The following TBC1D5 variants were observed in gnomAD, a reference collection of about 807,000 sequenced individuals.
The protein encoded by TBC1D5 is TBC1 domain family, member 5.
A neutral mutation model predicts 100.3 loss-of-function variants in TBC1D5; 75 were observed. That is an observed-to-expected ratio of 0.75 (90% CI 0.62 to 0.91). The LOEUF (loss-of-function observed/expected upper bound fraction) is 0.91. Among genes scored for constraint, TBC1D5 ranks in the 40% least tolerant of loss-of-function variants. The pLI is 0.00. For missense variants in TBC1D5, 910 were observed against 942.4 expected (o/e 0.97, Z 0.45); for synonymous variants, 323 against 325.6 (o/e 0.99, Z 0.09).
At chr3:17,290,583 G>A (rs893237984) in intron 15 of TBC1D5, among the ~76,000 whole-genome samples, 1 of 152,120 alleles carries the variant, frequency 6.6e-6, no homozygotes, top group Admixed American at 6.5e-5. Flanking sequence ...CCCTAAGTCT[G>A]TAGATCAAAA....
At chr3:17,587,206 T>C (rs935979594) in intron 2 of TBC1D5, among the ~76,000 whole-genome samples, 1 of 151,982 alleles carries the variant, frequency 6.6e-6, no homozygotes, top group Non-Finnish European at 1.5e-5. Context: ...TCTGTAAGAA[T>C]AACAACTAAA....
intron 14 of TBC1D5, among the ~76,000 whole-genome samples, chr3:17,301,710 A>G (rs1434649823): frequency 6.6e-6 from 1 of 152,336 alleles, no homozygotes; most frequent in Non-Finnish European, 1.5e-5. Context: ...AAAGTGTGAA[A>G]TCAATGAGAG....
At chr3:17,645,809 GCT>G (rs1203366288) in intron 1 of TBC1D5, among the ~76,000 whole-genome samples, 2 of 151,904 alleles carry the variant, frequency 1.3e-5, no homozygotes, top group Non-Finnish European at 2.9e-5. Flanking sequence ...TTGTCACAAA[GCT>G]CTTTCCCCTT....
intron 1 of TBC1D5, among the ~76,000 whole-genome samples, chr3:17,668,228 G>T (rs1270624521): frequency 6.7e-6 from 1 of 150,224 alleles, no homozygotes; most frequent in African/African-American, 2.4e-5. Context: ...AAAGAAATGT[G>T]TATGAGCTGA....
chr3:17,530,951 C>T (rs1020797717), intron 2 of TBC1D5, among the ~76,000 whole-genome samples: 1 of 152,186 alleles, frequency 6.6e-6, no homozygotes, highest in African/African-American at 2.4e-5. Context: ...TCTCACCACT[C>T]TTATTCAACA....
At chr3:17,229,126 C>G (rs1198377185) in intron 17 of TBC1D5, among the ~76,000 whole-genome samples, 3 of 152,008 alleles carry the variant, frequency 2.0e-5, no homozygotes, top group African/African-American at 7.2e-5. Flanking sequence ...TTCAGGAGGT[C>G]TACGGGGGGA....
chr3:17,251,435 C>G (rs915887561), intron 16 of TBC1D5, among the ~76,000 whole-genome samples: 57 of 144,970 alleles, frequency 3.9e-4, no homozygotes, highest in African/African-American at 1.3e-3. Flanking sequence ...ACCCCCCCCC[C>G]CCCAGTAGAA....
At chr3:17,250,878 T>C (rs1176228084) in intron 16 of TBC1D5, among the ~76,000 whole-genome samples, 2 of 152,242 alleles carry the variant, frequency 1.3e-5, no homozygotes, top group Non-Finnish European at 2.9e-5. Context: ...AAACTCAATG[T>C]TTGTCTTGTT....
At chr3:17,401,277 A>C (rs903928845) in intron 8 of TBC1D5, among the ~76,000 whole-genome samples, 1 of 147,308 alleles carries the variant, frequency 6.8e-6, no homozygotes, top group African/African-American at 2.5e-5. Flanking sequence ...TATGTGTATA[A>C]TACACATATA....
intron 2 of TBC1D5, among the ~76,000 whole-genome samples, chr3:17,561,522 T>C (rs968634741): frequency 2.6e-5 from 4 of 152,034 alleles, no homozygotes; most frequent in African/African-American, 9.7e-5. Flanking sequence ...CTCAATAAAA[T>C]AGACTAAATT....
chr3:17,195,322 C>A (rs923825072), intron 18 of TBC1D5, among the ~76,000 whole-genome samples: 1 of 152,200 alleles, frequency 6.6e-6, no homozygotes, highest in Non-Finnish European at 1.5e-5. Context: ...AGATGTTACT[C>A]TACTTAACAA....
intron 13 of TBC1D5, among the ~76,000 whole-genome samples, chr3:17,316,759 T>A (rs576846855): frequency 6.6e-6 from 1 of 152,294 alleles, no homozygotes; most frequent in African/African-American, 2.4e-5. Context: ...TGTCCATGAC[T>A]TGGCAATACT....
intron 3 of TBC1D5, among the ~76,000 whole-genome samples, chr3:17,456,972 G>T (rs1466165858): frequency 6.6e-6 from 1 of 152,016 alleles, no homozygotes; most frequent in Admixed American, 6.6e-5. Context: ...GTTGAATAGT[G>T]GTTTTATGGG....
chr3:17,193,564 A>G (rs890395306), intron 18 of TBC1D5, among the ~76,000 whole-genome samples: 3 of 152,194 alleles, frequency 2.0e-5, no homozygotes, highest in African/African-American at 4.8e-5. Context: ...AGGGAAAGAA[A>G]TTTCCCTTTA....
At chr3:17,453,784 C>T (rs1576059269) in intron 3 of TBC1D5, among the ~76,000 whole-genome samples, 1 of 152,234 alleles carries the variant, frequency 6.6e-6, no homozygotes, top group South Asian at 2.1e-4. Flanking sequence ...TGCCAATATA[C>T]CAAAACCTAG....
chr3:17,212,604 G>A (rs922524761), intron 18 of TBC1D5, among the ~76,000 whole-genome samples: 2 of 152,088 alleles, frequency 1.3e-5, no homozygotes, highest in African/African-American at 4.8e-5. Context: ...CTCTATGAGT[G>A]TCACTGCCCC....
chr3:17,261,267 C>G (rs981083598), intron 15 of TBC1D5, among the ~76,000 whole-genome samples: 1 of 152,064 alleles, frequency 6.6e-6, no homozygotes, highest in Non-Finnish European at 1.5e-5. Context: ...ACAACCAAAA[C>G]AAAACCAAAT....
At chr3:17,236,661 T>A (rs2075879736) in intron 17 of TBC1D5, among the ~76,000 whole-genome samples, 4 of 152,048 alleles carry the variant, frequency 2.6e-5, no homozygotes. Flanking sequence ...AATTTTTGTA[T>A]TTTTAGTAGA....
At chr3:17,526,229 T>C (rs919519452) in intron 2 of TBC1D5, among the ~76,000 whole-genome samples, 2 of 152,176 alleles carry the variant, frequency 1.3e-5, no homozygotes, top group African/African-American at 4.8e-5. Flanking sequence ...ATTTATTTAT[T>C]TTTTAAGAGA....
Sources: gnomAD v4.1 joint callset for allele counts (sites outside exome capture counted in the v4.1 genomes callset) on GRCh38, gnomAD v4.1.1 for gene constraint, MANE v1.5 for transcripts, NCBI Gene and HGNC (gene_info 2026-07-23, HGNC 2026-07-21) for gene names.